The following ULK4 variants were observed in gnomAD, a reference collection of about 807,000 sequenced individuals.
The protein encoded by ULK4 is inactive serine/threonine-protein kinase ULK4.
A neutral mutation model predicts 160.6 loss-of-function variants in ULK4; 133 were observed. The ratio of observed to expected loss-of-function variants is 0.83; its 90% CI spans 0.72 to 0.96. The LOEUF (loss-of-function observed/expected upper bound fraction) is 0.96. Ranked by LOEUF, ULK4 falls within the 40% of genes least tolerant of loss-of-function variation. The pLI is 0.00. For missense variants in ULK4, 1,580 were observed against 1,499.5 expected (o/e 1.05, Z -0.89); for synonymous variants, 534 against 539.8 (o/e 0.99, Z 0.15).
intron 21 of ULK4, among the ~76,000 whole-genome samples, chr3:41,777,949 T>C (rs1221025729): frequency 7.3e-6 from 1 of 137,826 alleles, no homozygotes; most frequent in Non-Finnish European, 1.6e-5. Flanking sequence ...CTCTCACCAC[T>C]CCTATTCAAC....
At chr3:41,840,784 C>A (rs1038012982) in intron 17 of ULK4, among the ~76,000 whole-genome samples, 3 of 152,224 alleles carry the variant, frequency 2.0e-5, no homozygotes, top group Admixed American at 6.5e-5. Flanking sequence ...ACAGCCTCTG[C>A]CCGGCTGCCA....
intron 35 of ULK4, among the ~76,000 whole-genome samples, chr3:41,346,241 C>G (rs562697478): frequency 1.3e-3 from 203 of 152,252 alleles, no homozygotes; most frequent in African/African-American, 4.6e-3. Flanking sequence ...CACTGAGAAC[C>G]TGGCAAATGA....
Position 41,789,817 on chromosome 3 carries a change from A to T in ULK4, c.2037T>A (p.Ser679=). Residue 679 remains serine, a synonymous_variant, in exon 21 of 37, where the codon TCT becomes TCA. Transcript: ENST00000301831. ...CAATAACATTCTGGAAGGCAGTAGG[A>T]GAATGGCGAGTGATTCTACACAAGG... ...VSALCRITRH[S]PTAFQNVIEK... 6.2e-7 allele frequency: 1 copy of T among 1,612,208 alleles called. No homozygotes were observed. The highest frequency in any genetic ancestry group is 1.1e-5 in the South Asian group (1 of 90,718).
intron 35 of ULK4, among the ~76,000 whole-genome samples, chr3:41,359,436 A>G (rs1575466072): frequency 6.6e-6 from 1 of 152,372 alleles, no homozygotes; most frequent in East Asian, 1.9e-4. Flanking sequence ...TAGAGACACC[A>G]GCCACAGAGA....
chr3:41,957,423 C>G (rs868120333), intron 1 of ULK4, among the ~76,000 whole-genome samples: 58 of 141,980 alleles, frequency 4.1e-4, no homozygotes, highest in Middle Eastern at 4.0e-3. Flanking sequence ...CCACTGTACT[C>G]CAGCCTGGGA....
intron 17 of ULK4, among the ~76,000 whole-genome samples, chr3:41,872,441 C>T (rs932155476): frequency 1.3e-5 from 2 of 152,182 alleles, no homozygotes; most frequent in African/African-American, 4.8e-5. Flanking sequence ...CACCCTTTCC[C>T]AGCAGGGCCA....
At chr3:41,850,593 A>G (rs2042185202) in intron 17 of ULK4, among the ~76,000 whole-genome samples, 1 of 152,102 alleles carries the variant, frequency 6.6e-6, no homozygotes, top group Non-Finnish European at 1.5e-5. Context: ...TGTGTGTTTT[A>G]GCTGCATAAA....
rs3774372 is a variant in ULK4 at position 41,835,922 on chromosome 3, T to C, written c.1706A>G (p.Lys569Arg). 0.17 allele frequency: 266,103 copies of C among 1,607,736 alleles called. 22,874 individuals carry two copies. Among genetic ancestry groups the C allele is most frequent in the Middle Eastern group, 0.29 (1,725 of 6,034 alleles). ...ELIRENFRNS[K>R]LKQCLLPTLG... ...GGTTGGTAAAAGGCACTGTTTTAAT[T>C]TGCTGTTCCTGAAGTTTTCCCTAAT... Residue 569 changes from lysine to arginine, a missense_variant, in exon 18 of 37, where the codon AAA becomes AGA. By Grantham distance (26) the Lys-to-Arg change is conservative. Transcript: ENST00000301831.
chr3:41,512,384 T>C lies in ULK4; in HGVS notation c.3227-49131A>G, dbSNP rs748035309. Among the ~76,000 whole-genome samples, 16 of 152,162 alleles carry C rather than the reference T, an allele frequency of 1.1e-4. No individual in the cohort carries two copies. In the South Asian group the frequency reaches 1.4e-3, roughly 14 times the overall value. ...ATCATATACCTACCACAAAGACTCA[T>C]CTAAAATGCTCCTAGAACTGGTAAA... On this transcript the variant is annotated intron_variant, in intron 32 of 36. Transcript: ENST00000301831.
rs192295583 is a variant in ULK4 at position 41,582,079 on chromosome 3, T to C, written c.3121-15949A>G. ...TTGTAGTGCCCATAATTCCCACGTG[T>C]TTTGGGAGGGACCCAGTGGGAGATA... On this transcript the variant is annotated intron_variant, in intron 31 of 36. Transcript: ENST00000301831. 2.0e-5 allele frequency among the ~76,000 whole-genome samples: 3 copies of C among 152,262 alleles called. No individual in the cohort carries two copies. In the East Asian group the frequency reaches 5.8e-4, roughly 29 times the overall value.
intron 5 of ULK4, among the ~76,000 whole-genome samples, chr3:41,927,055 A>T (rs963336338): frequency 6.6e-6 from 1 of 152,190 alleles, no homozygotes; most frequent in Non-Finnish European, 1.5e-5. Context: ...TGTCAGATTC[A>T]CCAAGGTTAA....
At chr3:41,935,125 C>G (rs952394797) in intron 4 of ULK4, among the ~76,000 whole-genome samples, 1 of 148,612 alleles carries the variant, frequency 6.7e-6, no homozygotes, top group Non-Finnish European at 1.5e-5. Context: ...AAGCAATTCT[C>G]CCTGCCTCGG....
At chr3:41,295,114 A>G (rs1157814417) in intron 35 of ULK4, among the ~76,000 whole-genome samples, 1 of 152,248 alleles carries the variant, frequency 6.6e-6, no homozygotes, top group South Asian at 2.1e-4. Flanking sequence ...AGATCAACGG[A>G]ATAGAATAGA....
At chr3:41,809,196 A>AC (rs1253282727) in intron 19 of ULK4, among the ~76,000 whole-genome samples, 1 of 150,270 alleles carries the variant, frequency 6.7e-6, no homozygotes, top group Non-Finnish European at 1.5e-5. Flanking sequence ...AACAAAAAAA[A>AC]ACAAAAAAGA....
At chr3:41,372,834 GCA>G (rs1376326456) in intron 35 of ULK4, among the ~76,000 whole-genome samples, 2 of 152,024 alleles carry the variant, frequency 1.3e-5, no homozygotes, top group Admixed American at 6.6e-5. Flanking sequence ...CAATTAAAAG[GCA>G]CAGACTGGCA....
intron 20 of ULK4, 25 bp downstream of exon 20, chr3:41,800,107 T>TC (rs1211469286): frequency 3.9e-6 from 6 of 1,547,272 alleles, no homozygotes; most frequent in Non-Finnish European, 5.2e-6. Context: ...CCCAGACATA[T>TC]CCCCCAAAAG....
intron 5 of ULK4, among the ~76,000 whole-genome samples, chr3:41,920,032 T>A (rs1699131375): frequency 6.6e-6 from 1 of 152,170 alleles, no homozygotes; most frequent in Admixed American, 6.5e-5. Flanking sequence ...GTTTAAAATC[T>A]ACCTGAGAGG....
intron 32 of ULK4, among the ~76,000 whole-genome samples, chr3:41,553,912 TA>T (rs2087182991): frequency 6.6e-6 from 1 of 152,138 alleles, no homozygotes; most frequent in African/African-American, 2.4e-5. Context: ...TAGCAAATAC[TA>T]GGTCTTATTC....
intron 1 of ULK4, among the ~76,000 whole-genome samples, chr3:41,958,788 T>G (rs972220375): frequency 1.3e-5 from 2 of 152,042 alleles, no homozygotes; most frequent in Non-Finnish European, 2.9e-5. Context: ...AGAGGAAAGC[T>G]TTTTTCTACA....
Sources: allele counts gnomAD v4.1 joint callset (sites outside exome capture counted in the v4.1 genomes callset), GRCh38; gene constraint gnomAD v4.1.1; transcripts MANE v1.5; gene names NCBI Gene and HGNC (gene_info 2026-07-23, HGNC 2026-07-21).